Variants in RARS2 observed in about 807,000 individuals in gnomAD.
RARS2 encodes probable arginine--tRNA ligase, mitochondrial.
A neutral mutation model predicts 88.5 loss-of-function variants in RARS2; 67 were observed. That is an observed-to-expected ratio of 0.76 (90% CI 0.62 to 0.93). The LOEUF is 0.93. Ranked by LOEUF, RARS2 falls within the 40% of genes least tolerant of loss-of-function variation. RARS2 has a pLI of 0.00. For synonymous variants in RARS2, 239 were observed against 230.3 expected (o/e 1.04, Z -0.34); for missense variants, 664 against 684.2 (o/e 0.97, Z 0.33).
At chr6:87,569,651 A>T in intron 1 of RARS2, 61 bp from the exon 2 acceptor site, 1 of 1,284,324 alleles carries the variant, frequency 7.8e-7, no homozygotes, top group Non-Finnish European at 1.1e-6. Context: ...CATTCAATGG[A>T]ATACCACTTG....
At chr6:87,535,036 T>C in intron 8 of RARS2, among the ~76,000 whole-genome samples, 1 of 114,078 alleles carries the variant, frequency 8.8e-6, no homozygotes, top group South Asian at 2.8e-4. Context: ...CTTTGCATGA[T>C]TTAGTAGGTG....
chr6:87,573,694 AAC>A (rs1287483842), intron 1 of RARS2, among the ~76,000 whole-genome samples: 3 of 152,238 alleles, frequency 2.0e-5, no homozygotes, highest in Admixed American at 6.5e-5. Flanking sequence ...AATTTAAAAA[AAC>A]ACACAAAAAA....
At position 87,589,971 on chromosome 6, in the gene RARS2, G is replaced by A. The variant is rs1776556709; in HGVS notation, c.-14C>T. On this transcript the variant is annotated 5_prime_UTR_variant, in exon 1 of 20. Transcript: ENST00000369536. ...GCCGCACGCCATGTCCACCTCTACG[G>A]AAGTGCGCCGCAGTCCGCCAGTTCC... 2.5e-6 allele frequency: 4 copies of A among 1,614,106 alleles called. No homozygotes were observed. The highest frequency in any genetic ancestry group is 3.4e-6 in the Non-Finnish European group (4 of 1,180,048).
chr6:87,515,928 C>A (rs975471452), intron 18 of RARS2: 3 of 134,458 alleles, frequency 2.2e-5, no homozygotes, highest in Non-Finnish European at 4.6e-5. Context: ...CCAGCCTGGA[C>A]AACAGAGCGA....
chr6:87,543,886 T>C (rs917292457), intron 7 of RARS2, among the ~76,000 whole-genome samples: 1 of 152,224 alleles, frequency 6.6e-6, no homozygotes, highest in Non-Finnish European at 1.5e-5. Flanking sequence ...TGTGGAAAGA[T>C]GCTCAGTGTT....
intron 7 of RARS2, among the ~76,000 whole-genome samples, chr6:87,544,609 AT>A (rs970442159): frequency 2.0e-5 from 3 of 151,832 alleles, no homozygotes; most frequent in African/African-American, 7.3e-5. Context: ...GTAACAACAG[AT>A]TTTTTTTTAA....
At chr6:87,556,138 A>C (rs1346437270) in intron 4 of RARS2, among the ~76,000 whole-genome samples, 2 of 152,228 alleles carry the variant, frequency 1.3e-5, no homozygotes, top group African/African-American at 4.8e-5. Context: ...ACAAGTGAGA[A>C]ACAAGGAAAT....
intron 14 of RARS2, 199 bp from the exon 15 acceptor site, chr6:87,519,090 A>C (rs951847641): frequency 1.5e-5 from 9 of 582,750 alleles, no homozygotes; most frequent in African/African-American, 5.7e-5. Context: ...AGAAATCCAA[A>C]TTTATTTATT....
At position 87,523,183 on chromosome 6, in the gene RARS2, A is replaced by C. The variant is rs147665053; in HGVS notation, c.974+1374T>G. Among the ~76,000 whole-genome samples the C allele has an allele frequency of 4.3e-3, 659 of 152,306 alleles. 7 individuals are homozygous for C. The highest frequency in any genetic ancestry group is 0.015 in the African/African-American group (619 of 41,556). On this transcript the variant is annotated intron_variant, in intron 11 of 19. Coordinates refer to ENST00000369536, the MANE Select transcript of RARS2 (RefSeq NM_020320.5). ...GGAAATTTTTTGATTCAATCAAAAA[A>C]CAAAAAAGAATAAGAAAAATTTCTA...
Position 87,589,947 on chromosome 6 carries a change from C to T in RARS2, c.11G>A (p.Gly4Asp), listed in dbSNP as rs1361286120. The stretch of plus-strand genomic sequence containing the variant: ...CTGGCAAGCAATAGCGCGGCGAAAG[C>T]CGCACGCCATGTCCACCTCTACGGA... MAC[G>D]FRRAIACQLS... The change falls in exon 1 of 20, where the codon GGC becomes GAC. Residue 4 changes from glycine to aspartate, a missense_variant. By Grantham distance (94) the Gly-to-Asp change is moderately conservative. Transcript: ENST00000369536. 3 of 1,614,178 alleles carry T rather than the reference C, an allele frequency of 1.9e-6. No individual in the cohort carries two copies. In the African/African-American group the frequency reaches 4.0e-5, roughly 22 times the overall value.
At chr6:87,547,931 T>C (rs6928160) in intron 6 of RARS2, among the ~76,000 whole-genome samples, 92,695 of 152,084 alleles carry the variant, frequency 0.61, 29,055 homozygotes, top group African/African-American at 0.75. Context: ...TGAGCCACTA[T>C]GCCCGGCCAG....
intron 2 of RARS2, among the ~76,000 whole-genome samples, chr6:87,568,347 A>T (rs954366387): frequency 3.3e-5 from 5 of 152,078 alleles, no homozygotes; most frequent in African/African-American, 1.2e-4. Flanking sequence ...CAAATACAAA[A>T]ATGTCAGCCA....
At chr6:87,541,113 C>T (rs536543554) in intron 8 of RARS2, among the ~76,000 whole-genome samples, 2 of 152,258 alleles carry the variant, frequency 1.3e-5, no homozygotes, top group East Asian at 1.9e-4. Flanking sequence ...TGTCCCAAAT[C>T]AACTAAAAGG....
chr6:87,568,387 C>G lies in RARS2; in HGVS notation c.110+1130G>C, dbSNP rs115981860. 9.1e-3 allele frequency among the ~76,000 whole-genome samples: 1,382 copies of G among 152,252 alleles called. 21 individuals are homozygous for G. Among genetic ancestry groups the G allele is most frequent in the African/African-American group, 0.031 (1,288 of 41,556 alleles). ...TAGTGGCGTGAGCCTGTAGTCCAAG[C>G]TACTCTGGAGGCTGAGGTGGGAGGA... is the stretch of plus-strand genomic sequence containing the variant. On this transcript the variant is annotated intron_variant, in intron 2 of 19. Coordinates refer to ENST00000369536, the MANE Select transcript of RARS2 (RefSeq NM_020320.5).
Position 87,569,572 on chromosome 6 carries a change from G to C in RARS2, c.55C>G (p.Leu19Val). The part of the protein sequence containing the change: ...IACQLSRVLN[L>V]PPENLITSIS... ...GATGTGATCAAGTTTTCTGGTGGAAGATTCAACACTCTGGAAAGCTAAAAA... is the reference window on the plus strand; with the variant it reads ...GATGTGATCAAGTTTTCTGGTGGAACATTCAACACTCTGGAAAGCTAAAAA... The change falls in exon 2 of 20, where the codon CTT becomes GTT. Residue 19 changes from leucine to valine, a missense_variant. Physicochemically the swap from Leu to Val is conservative, Grantham distance 32. Coordinates refer to ENST00000369536, the MANE Select transcript of RARS2 (RefSeq NM_020320.5). The C allele has an allele frequency of 6.2e-7, 1 of 1,607,174 alleles. No homozygotes were observed. Among genetic ancestry groups the C allele is most frequent in the Non-Finnish European group, 8.5e-7 (1 of 1,173,910 alleles).
intron 2 of RARS2, among the ~76,000 whole-genome samples, chr6:87,567,984 G>C (rs1279739002): frequency 6.6e-6 from 1 of 152,100 alleles, no homozygotes; most frequent in Non-Finnish European, 1.5e-5. Context: ...TGTTAGCCAG[G>C]ATGGTCTCCA....
At chr6:87,523,177 C>G (rs559623915) in intron 11 of RARS2, among the ~76,000 whole-genome samples, 2 of 151,648 alleles carry the variant, frequency 1.3e-5, no homozygotes, top group African/African-American at 4.8e-5. Flanking sequence ...TTGATTCAAT[C>G]AAAAAACAAA....
chr6:87,556,754 T>C (rs187264584), intron 4 of RARS2, among the ~76,000 whole-genome samples: 48 of 135,280 alleles, frequency 3.5e-4, no homozygotes, highest in East Asian at 2.5e-3. Context: ...ATCGCGCCAC[T>C]GCACTCCAGC....
Position 87,530,862 on chromosome 6 carries a change from T to A in RARS2, c.693A>T (p.Glu231Asp). Residue 231 changes from glutamate (E) to aspartate (D), a missense_variant, in exon 9 of 20, where the codon GAA becomes GAT. Glu to Asp is a conservative substitution (Grantham distance 45). Coordinates refer to ENST00000369536, the MANE Select transcript of RARS2 (RefSeq NM_020320.5). Reference sequence around the variant, plus strand: ...GTGAAAGTGCTTGCACATCGCCCAGTTCCAATCGTTGGAAGAACTCCTGTG... The same window carrying A: ...GTGAAAGTGCTTGCACATCGCCCAGATCCAATCGTTGGAAGAACTCCTGTG... ...KAAQEFFQRL[E>D]LGDVQALSLW... is the part of the protein sequence containing the mutation. 1 of 1,614,230 alleles carries A rather than the reference T, an allele frequency of 6.2e-7. No individual in the cohort carries two copies. The highest frequency in any genetic ancestry group is 8.5e-7 in the Non-Finnish European group (1 of 1,180,034).
Sources: allele counts gnomAD v4.1 joint callset (sites outside exome capture counted in the v4.1 genomes callset), GRCh38; gene constraint gnomAD v4.1.1; transcripts MANE v1.5; gene names NCBI Gene and HGNC (gene_info 2026-07-23, HGNC 2026-07-21).